CBFA2T3: variants seen among roughly 807,000 people sequenced by gnomAD.
CBFA2T3 encodes transcriptional corepressor CBFA2T3.
Under a neutral mutation model 58.6 loss-of-function variants are expected in CBFA2T3, and 31 were observed. That is an observed-to-expected ratio of 0.53 (90% CI 0.40 to 0.71). CBFA2T3 has a LOEUF of 0.71. Ranked by LOEUF, CBFA2T3 falls within the 30% of genes least tolerant of loss-of-function variation. The probability of loss-of-function intolerance (pLI) is 0.00; values close to 1 mark genes in which losing one functional copy is unlikely to be tolerated. For synonymous variants in CBFA2T3, 531 were observed against 421.9 expected (o/e 1.26, Z -3.17); for missense variants, 1,076 against 963.1 (o/e 1.12, Z -1.55).
Position 88,889,429 on chromosome 16 carries a change from G to A in CBFA2T3, c.711+2453C>T, listed in dbSNP as rs111845558. On this transcript the variant is annotated intron_variant, in intron 5 of 11. Coordinates refer to ENST00000268679, the MANE Select transcript of CBFA2T3 (RefSeq NM_005187.6). ...GGCGGGAGGGAGGGAGCGAGGGTGG[G>A]AACAGAGGTGGGTGTGATGTGGGGT... 2.0e-5 allele frequency among the ~76,000 whole-genome samples: 3 copies of A among 149,050 alleles called. No homozygotes were observed. In the South Asian group the frequency reaches 6.5e-4, roughly 32 times the overall value.
rs547884735 is a variant in CBFA2T3 at position 88,890,765 on chromosome 16, G to A, written c.711+1117C>T. 2.0e-5 allele frequency among the ~76,000 whole-genome samples: 3 copies of A among 152,320 alleles called. No individual in the cohort carries two copies. The South Asian group carries it at 6.2e-4, about 32-fold the overall frequency. ...AGGGTGTTGCTCTGTCGCCCAGGCT[G>A]GAGTGCAGTGGCGTGATCACAGCTC... is the stretch of plus-strand genomic sequence containing the variant. On this transcript the variant is annotated intron_variant, in intron 5 of 11. Transcript: ENST00000268679.
chr16:88,970,063 C>G lies in CBFA2T3; in HGVS notation c.151+6594G>C, dbSNP rs1377072863. The stretch of plus-strand genomic sequence containing the variant: ...TCCACAAAGGGGGCGCCTGGAAAAG[C>G]TGATGGAAATTCACGTCAGTGGGAG... On this transcript the variant is annotated intron_variant, in intron 1 of 11. Coordinates refer to ENST00000268679, the MANE Select transcript of CBFA2T3 (RefSeq NM_005187.6). Among the ~76,000 whole-genome samples, 5 of 152,244 alleles carry G rather than the reference C, an allele frequency of 3.3e-5. No homozygotes were observed. The South Asian group carries it at 6.2e-4, about 19-fold the overall frequency.
At chr16:88,973,955 C>A (rs1159523600) in intron 1 of CBFA2T3, among the ~76,000 whole-genome samples, 1 of 152,180 alleles carries the variant, frequency 6.6e-6, no homozygotes, top group Non-Finnish European at 1.5e-5. Context: ...TTTGCCTGCA[C>A]CCCTCCACTG....
intron 1 of CBFA2T3, among the ~76,000 whole-genome samples, chr16:88,922,765 G>A (rs144870133): frequency 0.013 from 2,047 of 152,314 alleles, 62 homozygotes; most frequent in African/African-American, 0.047. Context: ...CCTCGGAGAC[G>A]GTGACACCAC....
In CBFA2T3 at chr16:88,877,005, G is replaced by A. The variant is rs1406486631; in HGVS notation, c.1933C>T (p.Pro645Ser). ...CGGGGCACGGTGTCCAGTGGGCCAG[G>A]TGGGCTGGGGGAGCCGGGGCGAGAA... The part of the protein sequence containing the change: ...GPSRPGSPSP[P>S]GPLDTVPR The change falls in exon 12 of 12, where the codon CCT becomes TCT. Residue 645 changes from proline to serine, a missense_variant. Physicochemically the swap from Pro to Ser is moderately conservative, Grantham distance 74. Transcript: ENST00000268679. 1.4e-6 allele frequency: 2 copies of A among 1,469,486 alleles called. No homozygotes were observed. Among genetic ancestry groups the A allele is most frequent in the Non-Finnish European group, 1.8e-6 (2 of 1,115,698 alleles). 91.0% of individuals were successfully genotyped at this position (1,469,486 alleles called of 1,614,324 possible).
chr16:88,921,827 C>T (rs781742493), intron 1 of CBFA2T3, among the ~76,000 whole-genome samples: 2 of 152,230 alleles, frequency 1.3e-5, no homozygotes, highest in South Asian at 2.1e-4. Context: ...CCCCCATATG[C>T]GCCATAGCCT....
At chr16:88,935,321 G>A (rs958202333) in intron 1 of CBFA2T3, among the ~76,000 whole-genome samples, 16 of 152,214 alleles carry the variant, frequency 1.1e-4, no homozygotes, top group African/African-American at 3.9e-4. Context: ...GCCAAGGCAA[G>A]GGGAGGGGCC....
chr16:88,940,342 G>A (rs762092779), intron 1 of CBFA2T3: 2 of 153,670 alleles, frequency 1.3e-5, no homozygotes, highest in Non-Finnish European at 2.9e-5. Flanking sequence ...CGTAAGTGAA[G>A]TCAGCCGTCT....
intron 1 of CBFA2T3, among the ~76,000 whole-genome samples, chr16:88,946,592 C>T (rs1183392064): frequency 1.3e-5 from 2 of 151,246 alleles, no homozygotes; most frequent in Non-Finnish European, 1.5e-5. Context: ...AAGCAATTCT[C>T]CTGCCTCAGC....
chr16:88,887,657 G>A (rs1969435591), intron 5 of CBFA2T3, among the ~76,000 whole-genome samples: 1 of 152,196 alleles, frequency 6.6e-6, no homozygotes, highest in Admixed American at 6.5e-5. Context: ...GAATGGGGTG[G>A]GGACTGTGGG....
At chr16:88,966,013 C>A (rs932961775) in intron 1 of CBFA2T3, among the ~76,000 whole-genome samples, 12 of 152,200 alleles carry the variant, frequency 7.9e-5, no homozygotes, top group African/African-American at 2.4e-4. Context: ...AACAGAGAGA[C>A]CCCACAGAGC....
At chr16:88,959,951 C>T (rs955164763) in intron 1 of CBFA2T3, among the ~76,000 whole-genome samples, 4 of 152,256 alleles carry the variant, frequency 2.6e-5, no homozygotes, top group South Asian at 4.1e-4. Context: ...ATCACTTGAA[C>T]GCAGGAGATG....
intron 1 of CBFA2T3, among the ~76,000 whole-genome samples, chr16:88,945,745 G>A (rs770227868): frequency 8.5e-5 from 13 of 152,270 alleles, no homozygotes; most frequent in Non-Finnish European, 1.6e-4. Context: ...ACAGCCCTTT[G>A]GAAGACAGTT....
At chr16:88,903,997 A>G (rs1970204266) in intron 1 of CBFA2T3, among the ~76,000 whole-genome samples, 1 of 152,210 alleles carries the variant, frequency 6.6e-6, no homozygotes, top group African/African-American at 2.4e-5. Context: ...CGGACATGCC[A>G]CATTTCCTAA....
intron 1 of CBFA2T3, among the ~76,000 whole-genome samples, chr16:88,975,512 A>G (rs1301943829): frequency 2.6e-5 from 4 of 152,248 alleles, no homozygotes; most frequent in African/African-American, 9.6e-5. Context: ...ACCCGGCCCA[A>G]GGCCACTCAG....
At position 88,876,159 on chromosome 16, in the gene CBFA2T3, TC is replaced by T. The variant is rs1968821755; in HGVS notation, c.*816del. On this transcript the variant is annotated 3_prime_UTR_variant, in exon 12 of 12. Transcript: ENST00000268679. ...TTTCTTGTGTTTGCTTTTTTGGATT[TC>T]CTTTGGAGCAGAGGTGTGTCCGGTA... 1 of 232,464 alleles carries T rather than the reference TC, an allele frequency of 4.3e-6. No homozygotes were observed. The highest frequency in any genetic ancestry group is 8.5e-6 in the Non-Finnish European group (1 of 117,322). The allele number at this position is 232,464 out of a possible 1,614,324, so 14.4% of individuals were successfully genotyped here.
intron 1 of CBFA2T3, among the ~76,000 whole-genome samples, chr16:88,949,245 G>C (rs1971982814): frequency 6.6e-6 from 1 of 152,212 alleles, no homozygotes; most frequent in South Asian, 2.1e-4. Flanking sequence ...TCCTGAAAGA[G>C]ACAGGGGACC....
rs1056323532 is a variant in CBFA2T3 at position 88,925,803 on chromosome 16, C to A, written c.152-24147G>T. 4.6e-5 allele frequency among the ~76,000 whole-genome samples: 7 copies of A among 152,310 alleles called. No homozygotes were observed. In the East Asian group the frequency reaches 1.3e-3, roughly 29 times the overall value. ...CAGAGCTGCTCCTGCTCCCCGGCGA[C>A]GGGCTTTTCCAGGCTGCGGCATAGG... On this transcript the variant is annotated intron_variant, in intron 1 of 11. Coordinates refer to ENST00000268679, the MANE Select transcript of CBFA2T3 (RefSeq NM_005187.6).
chr16:88,977,052 C>A lies in CBFA2T3; in HGVS notation c.-245G>T, dbSNP rs1972881799. 1 of 445,256 alleles carries A rather than the reference C, an allele frequency of 2.2e-6. No homozygotes were observed. The highest frequency in any genetic ancestry group is 1.9e-5 in the African/African-American group (1 of 51,596). 27.6% of individuals were successfully genotyped at this position (445,256 alleles called of 1,614,324 possible). The stretch of plus-strand genomic sequence containing the variant: ...CGCGGGGCGGGCCTGGGGCTGCAGG[C>A]TGGGGAAGGTCTCCCTGCAGCCTGC... On this transcript the variant is annotated 5_prime_UTR_variant, in exon 1 of 12. Coordinates refer to ENST00000268679, the MANE Select transcript of CBFA2T3 (RefSeq NM_005187.6).
Sources: gnomAD v4.1 joint callset for allele counts (sites outside exome capture counted in the v4.1 genomes callset) on GRCh38, gnomAD v4.1.1 for gene constraint, MANE v1.5 for transcripts, NCBI Gene and HGNC (gene_info 2026-07-23, HGNC 2026-07-21) for gene names.